The following TBCD variants were observed in gnomAD, a reference collection of about 807,000 sequenced individuals.
TBCD encodes tubulin folding cofactor D.
A neutral mutation model predicts 169.3 loss-of-function variants in TBCD; 105 were observed. The ratio of observed to expected loss-of-function variants is 0.62; its 90% CI spans 0.53 to 0.73. The LOEUF (loss-of-function observed/expected upper bound fraction) is 0.73. Among genes scored for constraint, TBCD ranks in the 30% least tolerant of loss-of-function variants. The probability of loss-of-function intolerance (pLI) is 0.00; values close to 1 mark genes in which losing one functional copy is unlikely to be tolerated. For synonymous variants in TBCD, 700 were observed against 643.9 expected (o/e 1.09, Z -1.32); for missense variants, 1,444 against 1,600.1 (o/e 0.90, Z 1.66).
intron 21 of TBCD, 85 bp from the exon 22 acceptor site, chr17:82,909,200 T>C (rs538112381): frequency 4.9e-5 from 57 of 1,165,858 alleles, no homozygotes; most frequent in Admixed American, 1.1e-4. Context: ...CATTTTCTCT[T>C]TGTTCTTGTT....
intron 2 of TBCD, among the ~76,000 whole-genome samples, chr17:82,758,384 G>GAAAAAAAAAAAAAAAAAAAAAAAAAAAAA (rs71168146): frequency 4.0e-4 from 10 of 24,968 alleles, no homozygotes; most frequent in South Asian, 2.0e-3. Context: ...AAACGTCTCG[G>GAAAAAAAAAAAAAAAAAAAAAAAAAAAAA]AAAAAAAAAA....
chr17:82,774,866 G>C (rs912245405), intron 6 of TBCD, among the ~76,000 whole-genome samples: 1 of 152,250 alleles, frequency 6.6e-6, no homozygotes, highest in Non-Finnish European at 1.5e-5. Context: ...AATTACTGGA[G>C]AGGCTGAACA....
At chr17:82,761,032 T>C (rs1399005864) in intron 2 of TBCD, among the ~76,000 whole-genome samples, 1 of 152,136 alleles carries the variant, frequency 6.6e-6, no homozygotes, top group East Asian at 1.9e-4. Context: ...TGATCTTGGC[T>C]CACTGCAACC....
chr17:82,831,656 C>G lies in TBCD; in HGVS notation c.1318+16722C>G. ...ACTGACAGCAGGGGTGCGTCACACT[C>G]AGGCGAGCTCCCAGCCAGCAGGTAA... On this transcript the variant is annotated intron_variant, in intron 13 of 38. Coordinates refer to ENST00000355528, the MANE Select transcript of TBCD (RefSeq NM_005993.5). The surrounding 1 kb of genome is among the most constrained non-coding windows in gnomAD (Gnocchi z 4.6). The G allele has an allele frequency of 6.2e-7, 1 of 1,614,164 alleles. No homozygotes were observed. The highest frequency in any genetic ancestry group is 8.5e-7 in the Non-Finnish European group (1 of 1,180,040).
Position 82,884,609 on chromosome 17 carries a change from G to A in TBCD, c.1533+407G>A, listed in dbSNP as rs977697825. The stretch of plus-strand genomic sequence containing the variant: ...TTTGAGCCTCGGGAGGGGCTGTTGC[G>A]AGCAGTGGTCAGCTCTGCTTCACCC... On this transcript the variant is annotated intron_variant, in intron 15 of 38. Coordinates refer to ENST00000355528, the MANE Select transcript of TBCD (RefSeq NM_005993.5). This position sits in a 1 kb window ranked among gnomAD's most constrained non-coding sequence, Gnocchi z 4.2. 3.9e-5 allele frequency among the ~76,000 whole-genome samples: 6 copies of A among 152,194 alleles called. No homozygotes were observed. The South Asian group carries it at 1.0e-3, about 26-fold the overall frequency.
At position 82,832,270 on chromosome 17, in the gene TBCD, A is replaced by T; in HGVS notation, c.1318+17336A>T. ...TGAGTTAGATTTAGGGCACTTGGGAACTCGATCCTGCTCTGATACTAAAGT... is the reference window on the plus strand; with the variant it reads ...TGAGTTAGATTTAGGGCACTTGGGATCTCGATCCTGCTCTGATACTAAAGT... On this transcript the variant is annotated intron_variant, in intron 13 of 38. Coordinates refer to ENST00000355528, the MANE Select transcript of TBCD (RefSeq NM_005993.5). The surrounding 1 kb of genome is among the most constrained non-coding windows in gnomAD (Gnocchi z 4.9). The T allele has an allele frequency of 6.2e-7, 1 of 1,614,128 alleles. No individual in the cohort carries two copies. The highest frequency in any genetic ancestry group is 8.5e-7 in the Non-Finnish European group (1 of 1,180,030).
chr17:82,821,197 C>T (rs1186865685), intron 13 of TBCD, among the ~76,000 whole-genome samples: 4 of 152,218 alleles, frequency 2.6e-5, no homozygotes, highest in Non-Finnish European at 5.9e-5. Context: ...CCTGCCTTGG[C>T]CTGCCTTGGG....
intron 2 of TBCD, among the ~76,000 whole-genome samples, chr17:82,759,499 T>A (rs2047635559): frequency 6.6e-6 from 1 of 152,064 alleles, no homozygotes; most frequent in Non-Finnish European, 1.5e-5. Context: ...AAAAAAAATT[T>A]TGTTTTTGCA....
Position 82,920,504 on chromosome 17 carries a change from G to A in TBCD, c.2039-52G>A, listed in dbSNP as rs2061352830. The A allele has an allele frequency of 1.1e-5, 16 of 1,483,408 alleles. No homozygotes were observed. The highest frequency in any genetic ancestry group is 1.5e-5 in the Non-Finnish European group (16 of 1,102,380). The allele number at this position is 1,483,408 out of a possible 1,614,324, so 91.9% of individuals were successfully genotyped here. On this transcript the variant is annotated intron_variant, in intron 23 of 38. Transcript: ENST00000355528. This position sits in a 1 kb window ranked among gnomAD's most constrained non-coding sequence, Gnocchi z 4.1. The stretch of plus-strand genomic sequence containing the variant: ...GTGGCAAAGGCAAGCCGCTGTGGCA[G>A]GCGCTTTTAGAAAAGTAACATTGCG...
At position 82,923,727 on chromosome 17, in the gene TBCD, A is replaced by G. The variant is rs1424440817; in HGVS notation, c.2254A>G (p.Ile752Val). 3 of 1,597,682 alleles carry G rather than the reference A, an allele frequency of 1.9e-6. No individual in the cohort carries two copies. Among genetic ancestry groups the G allele is most frequent in the East Asian group, 2.3e-5 (1 of 44,406 alleles). ...GGAGCCGGGGGAGGCAGATCCCGCA[A>G]TTCAGGGTGAGTGGGGAGCCCTTTT... ...MKEPGEADPA[I>V]QEELITQYLA... Residue 752 changes from isoleucine to valine, a missense_variant, in exon 26 of 39, where the codon ATT (isoleucine) becomes GTT (valine). Physicochemically the swap from Ile to Val is conservative, Grantham distance 29. Coordinates refer to ENST00000355528, the MANE Select transcript of TBCD (RefSeq NM_005993.5). This position sits in a 1 kb window ranked among gnomAD's most constrained non-coding sequence, Gnocchi z 4.6.
In TBCD at chr17:82,942,597, C is replaced by T; in HGVS notation, c.*134C>T. The T allele has an allele frequency of 1.6e-6, 2 of 1,227,598 alleles. No homozygotes were observed. Among genetic ancestry groups the T allele is most frequent in the East Asian group, 2.5e-5 (1 of 40,650 alleles). 76.0% of individuals were successfully genotyped at this position (1,227,598 alleles called of 1,614,324 possible). A position where few individuals can be genotyped will look rare whatever the true frequency, so the allele number is the denominator to read the frequency against. ...TAGCGCTGGCCCTTGGAGGCTGGCACTAGCTGACAGCTTTTCCTCTCTGCA... is the reference window on the plus strand; with the variant it reads ...TAGCGCTGGCCCTTGGAGGCTGGCATTAGCTGACAGCTTTTCCTCTCTGCA... On this transcript the variant is annotated 3_prime_UTR_variant, in exon 39 of 39. Coordinates refer to ENST00000355528, the MANE Select transcript of TBCD (RefSeq NM_005993.5).
chr17:82,836,728 A>C (rs780579849), intron 13 of TBCD, among the ~76,000 whole-genome samples: 37 of 152,096 alleles, frequency 2.4e-4, no homozygotes, highest in Non-Finnish European at 4.0e-4. Flanking sequence ...AAAACAAAAA[A>C]ACAAAAAAAC....
chr17:82,907,710 G>A, intron 20 of TBCD, 51 bp from the exon 21 acceptor site: 1 of 1,603,008 alleles, frequency 6.2e-7, no homozygotes, highest in South Asian at 1.1e-5. Context: ...GTGTACTCGG[G>A]GTTAGGGTCT....
chr17:82,865,646 G>A, intron 13 of TBCD: 3 of 650,400 alleles, frequency 4.6e-6, no homozygotes, highest in Non-Finnish European at 5.7e-6. Flanking sequence ...AGTCCAGCAC[G>A]ATGCAGTTTA....
intron 1 of TBCD, 54 bp downstream of exon 1, chr17:82,752,431 C>G: frequency 1.7e-6 from 2 of 1,177,454 alleles, no homozygotes; most frequent in Non-Finnish European, 1.1e-6. Flanking sequence ...GTTCGGCGCG[C>G]TGAGTGCACT....
chr17:82,942,183 T>C (rs2063360899), intron 38 of TBCD: 3 of 551,260 alleles, frequency 5.4e-6, no homozygotes, highest in Non-Finnish European at 9.5e-6. Flanking sequence ...TTAGGAAAAA[T>C]TTCAAACGTG....
chr17:82,891,106 T>C (rs1443070901), intron 16 of TBCD, among the ~76,000 whole-genome samples: 4 of 152,208 alleles, frequency 2.6e-5, no homozygotes, highest in Non-Finnish European at 5.9e-5. Flanking sequence ...CATCACTCTG[T>C]GTTCCGGGTT....
intron 20 of TBCD, 41 bp downstream of exon 20, chr17:82,906,094 C>A: frequency 6.9e-7 from 1 of 1,448,168 alleles, no homozygotes; most frequent in South Asian, 1.2e-5. Context: ...GGCTCTGTCC[C>A]TGATCCCCTC....
chr17:82,756,480 G>GT lies in TBCD; in HGVS notation c.235+274dup, dbSNP rs998354953. ...CATCTGCTCCTCATGTGTTTTTTTT[G>GT]TTTTTTTTTCTTTTTTTTGAGACGG... On this transcript the variant is annotated intron_variant, in intron 2 of 38. Transcript: ENST00000355528. Among the ~76,000 whole-genome samples, 973 of 150,594 alleles carry GT rather than the reference G, an allele frequency of 6.5e-3. 18 individuals are homozygous for GT. Among genetic ancestry groups the GT allele is most frequent in the African/African-American group, 0.022 (888 of 41,024 alleles).
Sources: allele counts gnomAD v4.1 joint callset (sites outside exome capture counted in the v4.1 genomes callset), GRCh38; gene constraint gnomAD v4.1.1; non-coding constraint Gnocchi (gnomAD v3.1); transcripts MANE v1.5; gene names NCBI Gene and HGNC (gene_info 2026-07-23, HGNC 2026-07-21).